The following RXRA variants were observed in gnomAD, a reference collection of about 807,000 sequenced individuals.
The protein encoded by RXRA is retinoid X receptor alpha.
A neutral mutation model predicts 44.5 loss-of-function variants in RXRA; 5 were observed. The ratio of observed to expected loss-of-function variants is 0.11; its 90% CI spans 0.06 to 0.24. RXRA has a LOEUF of 0.24. Ranked by LOEUF, RXRA falls within the 10% of genes least tolerant of loss-of-function variation. The pLI is 1.00. For synonymous variants in RXRA, 291 were observed against 271.4 expected (o/e 1.07, Z -0.71); for missense variants, 412 against 646.5 (o/e 0.64, Z 3.93).
chr9:134,356,320 TG>T (rs1013944738), intron 1 of RXRA, among the ~76,000 whole-genome samples: 14 of 152,022 alleles, frequency 9.2e-5, no homozygotes, highest in East Asian at 1.9e-4. Flanking sequence ...CTCTCCTCAT[TG>T]GTAAAAAGCG....
At chr9:134,402,379 G>T (rs1830978583) in intron 2 of RXRA, 1 of 157,546 alleles carries the variant, frequency 6.3e-6, no homozygotes, top group African/African-American at 2.4e-5. Flanking sequence ...CAGTGGCCAG[G>T]TGTGGCAGCG....
At chr9:134,346,230 G>A (rs528978663) in intron 1 of RXRA, among the ~76,000 whole-genome samples, 18 of 152,252 alleles carry the variant, frequency 1.2e-4, no homozygotes, top group African/African-American at 3.6e-4. Context: ...GTCCCAGCCC[G>A]GGACCTGGCG....
intron 4 of RXRA, among the ~76,000 whole-genome samples, chr9:134,409,778 G>A (rs1431819365): frequency 6.6e-6 from 1 of 152,192 alleles, no homozygotes; most frequent in Non-Finnish European, 1.5e-5. Flanking sequence ...CTGGGTCATG[G>A]TTTGCACACA....
intron 6 of RXRA, chr9:134,427,247 C>G (rs1020838000): frequency 2.6e-5 from 22 of 841,288 alleles, no homozygotes; most frequent in Non-Finnish European, 3.1e-5. Flanking sequence ...GCGGCTGGCT[C>G]GGCTGAGCCC....
At chr9:134,347,437 C>T (rs1487845299) in intron 1 of RXRA, among the ~76,000 whole-genome samples, 16 of 152,304 alleles carry the variant, frequency 1.1e-4, no homozygotes, top group African/African-American at 3.8e-4. Context: ...AGGCAGACAC[C>T]GTGCCGTCCA....
Position 134,417,766 on chromosome 9 carries a change from C to G in RXRA, c.780+439C>G, listed in dbSNP as rs936154423. Among the ~76,000 whole-genome samples the G allele has an allele frequency of 1.3e-5, 2 of 152,146 alleles. No homozygotes were observed. Among genetic ancestry groups the G allele is most frequent in the African/African-American group, 4.8e-5 (2 of 41,430 alleles). ...CTGCAGGTTGGTTCCAGGGCTGGCTCTGCCAGCAGCCGTGTGGCCCTGGGC... is the reference window on the plus strand; with the variant it reads ...CTGCAGGTTGGTTCCAGGGCTGGCTGTGCCAGCAGCCGTGTGGCCCTGGGC... On this transcript the variant is annotated intron_variant, in intron 5 of 9. Coordinates refer to ENST00000481739, the MANE Select transcript of RXRA (RefSeq NM_002957.6). This position sits in a 1 kb window ranked among gnomAD's most constrained non-coding sequence, Gnocchi z 6.1.
intron 1 of RXRA, among the ~76,000 whole-genome samples, chr9:134,378,070 G>A (rs1264914315): frequency 6.6e-6 from 1 of 152,268 alleles, no homozygotes; most frequent in Non-Finnish European, 1.5e-5. Flanking sequence ...TGGGTGGCGA[G>A]CAGGTTTCAC....
chr9:134,338,850 C>T (rs1405207345), intron 1 of RXRA, among the ~76,000 whole-genome samples: 1 of 152,198 alleles, frequency 6.6e-6, no homozygotes, highest in African/African-American at 2.4e-5. Context: ...CCCCCAGAGC[C>T]CAGAGATCCT....
intron 1 of RXRA, among the ~76,000 whole-genome samples, chr9:134,391,921 G>T (rs1830806275): frequency 6.6e-6 from 1 of 152,192 alleles, no homozygotes; most frequent in Non-Finnish European, 1.5e-5. Context: ...GCTCCCCCTT[G>T]TCACCACACT....
At chr9:134,412,053 C>T (rs1274248067) in intron 4 of RXRA, among the ~76,000 whole-genome samples, 1 of 152,206 alleles carries the variant, frequency 6.6e-6, no homozygotes, top group African/African-American at 2.4e-5. Flanking sequence ...CCAGATGGGT[C>T]CTGAAGTGCA....
rs1205796396 is a variant in RXRA, at chr9:134,326,585, G to A, written c.-47G>A. ...GGCCGCGCCGGGGGCCGCCGCGCCC[G>A]CCGCCCGCTGCCTGCGCCGCCGGCC... On this transcript the variant is annotated 5_prime_UTR_variant, in exon 1 of 10. Transcript: ENST00000481739. The A allele has an allele frequency of 3.5e-4, 293 of 841,348 alleles. 2 individuals carry two copies. In the African/African-American group the frequency reaches 5.0e-3, roughly 14 times the overall value. 52.1% of individuals were successfully genotyped at this position (841,348 alleles called of 1,614,324 possible). A position where few individuals can be genotyped will look rare whatever the true frequency, so the allele number is the denominator to read the frequency against.
At chr9:134,396,967 G>T (rs1830889355) in intron 1 of RXRA, among the ~76,000 whole-genome samples, 1 of 152,164 alleles carries the variant, frequency 6.6e-6, no homozygotes, top group Non-Finnish European at 1.5e-5. Context: ...AGTCCTGAGG[G>T]CTCACCCCCG....
chr9:134,358,158 C>T lies in RXRA; in HGVS notation c.28+31499C>T, dbSNP rs183047298. On this transcript the variant is annotated intron_variant, in intron 1 of 9. Coordinates refer to ENST00000481739, the MANE Select transcript of RXRA (RefSeq NM_002957.6). The stretch of plus-strand genomic sequence containing the variant: ...CCAGGCCCCGGCCACCTGCCGAGGA[C>T]GGAGCCAGGCGTGAGCCCGTGCAGG... Among the ~76,000 whole-genome samples the T allele has an allele frequency of 5.3e-5, 8 of 152,336 alleles. No homozygotes were observed. The East Asian group carries it at 1.4e-3, about 26-fold the overall frequency.
At chr9:134,356,874 G>C (rs745470639) in intron 1 of RXRA, among the ~76,000 whole-genome samples, 1 of 152,158 alleles carries the variant, frequency 6.6e-6, no homozygotes, top group South Asian at 2.1e-4. Flanking sequence ...CACCACCCTC[G>C]ATGGCCCTGG....
At chr9:134,388,511 C>T (rs1830754610) in intron 1 of RXRA, among the ~76,000 whole-genome samples, 1 of 152,200 alleles carries the variant, frequency 6.6e-6, no homozygotes, top group African/African-American at 2.4e-5. Context: ...CCATGGCCTC[C>T]TGGTGACGGT....
chr9:134,422,875 C>G, intron 6 of RXRA: 2 of 985,456 alleles, frequency 2.0e-6, no homozygotes, highest in Non-Finnish European at 2.4e-6. Flanking sequence ...CAGGGGCTGC[C>G]CAGGAGAGCC....
intron 4 of RXRA, among the ~76,000 whole-genome samples, chr9:134,414,487 T>C (rs933571123): frequency 6.6e-6 from 1 of 152,232 alleles, no homozygotes; most frequent in African/African-American, 2.4e-5. Context: ...ATCTTACGGA[T>C]GAGGGAGCCG....
intron 9 of RXRA, 86 bp from the exon 10 acceptor site, chr9:134,436,381 C>T: frequency 7.3e-7 from 1 of 1,370,792 alleles, no homozygotes. Context: ...GTATCAGACA[C>T]AGCCCCATCC....
chr9:134,396,475 G>A (rs988535650), intron 1 of RXRA, among the ~76,000 whole-genome samples: 1 of 152,072 alleles, frequency 6.6e-6, no homozygotes, highest in Non-Finnish European at 1.5e-5. Flanking sequence ...AAGCTCTGAG[G>A]GCCTGCTAGC....
Sources: allele counts gnomAD v4.1 joint callset (sites outside exome capture counted in the v4.1 genomes callset), GRCh38; gene constraint gnomAD v4.1.1; non-coding constraint Gnocchi (gnomAD v3.1); transcripts MANE v1.5; gene names NCBI Gene and HGNC (gene_info 2026-07-23, HGNC 2026-07-21).